RNF213: variants seen among roughly 807,000 people sequenced by gnomAD.
The protein encoded by RNF213 is E3 ubiquitin-protein ligase RNF213.
RNF213 carries 341 observed loss-of-function variants against 514.4 expected under a neutral mutation model. The observed-to-expected ratio is 0.66, with a 90% CI of 0.61 to 0.73. The LOEUF is 0.73. Among genes scored for constraint, RNF213 ranks in the 30% least tolerant of loss-of-function variants. The pLI, the probability that RNF213 is intolerant of heterozygous loss-of-function variation, is 0.00. For missense variants in RNF213, 5,767 were observed against 6,615.6 expected (o/e 0.87, Z 4.45); for synonymous variants, 2,655 against 2,658.2 (o/e 1.00, Z 0.04).
Position 80,377,881 on chromosome 17 carries a change from G to C in RNF213, c.13545+85G>C. 6.7e-7 allele frequency: 1 copy of C among 1,483,296 alleles called. No homozygotes were observed. Among genetic ancestry groups the C allele is most frequent in the Non-Finnish European group, 9.4e-7 (1 of 1,061,508 alleles). The allele number at this position is 1,483,296 out of a possible 1,614,324, so 91.9% of individuals were successfully genotyped here. A position where few individuals can be genotyped will look rare whatever the true frequency, so the allele number is the denominator to read the frequency against. On this transcript the variant is annotated intron_variant, in intron 54 of 67. Coordinates refer to ENST00000582970, the MANE Select transcript of RNF213 (RefSeq NM_001256071.3). This position sits in a 1 kb window ranked among gnomAD's most constrained non-coding sequence, Gnocchi z 4.1. Reference sequence around the variant, plus strand: ...GGGGGATCGTGGGTCAGGAGAGTGAGGCTCTCGGCCTTCCAGGAGAGCACA... The same window carrying C: ...GGGGGATCGTGGGTCAGGAGAGTGACGCTCTCGGCCTTCCAGGAGAGCACA...
Position 80,294,876 on chromosome 17 carries a change from C to G in RNF213, c.1628C>G (p.Thr543Ser). The change falls in exon 9 of 68, where the codon ACC (threonine) becomes AGC (serine). Residue 543 changes from threonine (T) to serine (S), a missense_variant. Physicochemically the swap from Thr to Ser is moderately conservative, Grantham distance 58 (BLOSUM62 1). This residue lies in a region of RNF213 where 592 missense variants were observed against 673.9 expected (regional missense o/e 0.88). Transcript: ENST00000582970. ...GACAGCACCTTCAGCATCCTGCAGA[C>G]CTGGGACACCATCAACCTGAACAGC... The part of the protein sequence containing the change: ...MLDSTFSILQ[T>S]WDTINLNSFF... The G allele has an allele frequency of 6.2e-7, 1 of 1,614,202 alleles. No individual in the cohort carries two copies. The highest frequency in any genetic ancestry group is 1.1e-5 in the South Asian group (1 of 91,084).
At chr17:80,306,744 C>G (rs1218683553) in intron 12 of RNF213, among the ~76,000 whole-genome samples, 2 of 151,584 alleles carry the variant, frequency 1.3e-5, no homozygotes, top group Non-Finnish European at 2.9e-5. Context: ...CCCAGCTACT[C>G]AGGAGGCTGA....
At chr17:80,328,528 G>A (rs2046336118) in intron 20 of RNF213, 51 bp downstream of exon 20, 1 of 1,524,508 alleles carries the variant, frequency 6.6e-7, no homozygotes, top group Non-Finnish European at 8.8e-7. Flanking sequence ...AGGGTTAGAG[G>A]AGAACACAGT....
chr17:80,288,447 C>G lies in RNF213; in HGVS notation c.810+84C>G. Reference sequence around the variant, plus strand: ...TGCTGCAAGGTGCTGGCGTTGCTTCCCTGCCGGGGGGAGGGGCGTCCTCTG... The same window carrying G: ...TGCTGCAAGGTGCTGGCGTTGCTTCGCTGCCGGGGGGAGGGGCGTCCTCTG... On this transcript the variant is annotated intron_variant, in intron 4 of 67. Transcript: ENST00000582970. This position sits in a 1 kb window ranked among gnomAD's most constrained non-coding sequence, Gnocchi z 4.9. 6.2e-7 allele frequency: 1 copy of G among 1,600,294 alleles called. No homozygotes were observed. Among genetic ancestry groups the G allele is most frequent in the Non-Finnish European group, 8.5e-7 (1 of 1,173,706 alleles).
At chr17:80,299,880 A>G (rs2045110088) in intron 11 of RNF213, among the ~76,000 whole-genome samples, 1 of 152,212 alleles carries the variant, frequency 6.6e-6, no homozygotes, top group Non-Finnish European at 1.5e-5. Context: ...ATGTTCCTGC[A>G]AAGGACATGA....
intron 17 of RNF213, among the ~76,000 whole-genome samples, chr17:80,321,859 G>T (rs1196906120): frequency 6.6e-6 from 1 of 152,106 alleles, no homozygotes. Context: ...TCGAGTAGCT[G>T]GGACTACAGG....
Position 80,382,993 on chromosome 17 carries a change from G to T in RNF213, c.13993G>T (p.Asp4665Tyr). Residue 4665 changes from aspartate to tyrosine, a missense_variant, in exon 58 of 68, where the codon GAC (aspartate) becomes TAC (tyrosine). This residue lies in a region of RNF213 where 1,245 missense variants were observed against 1,339.0 expected (regional missense o/e 0.93). Transcript: ENST00000582970. ...TTTTTTTGTAGGGCTTTTAAATTTTGACACAGAATTGTCAACTAAAGAAAT... is the reference window on the plus strand; with the variant it reads ...TTTTTTTGTAGGGCTTTTAAATTTTTACACAGAATTGTCAACTAAAGAAAT... The part of the protein sequence containing the change: ...QLSSRRLLNF[D>Y]TELSTKEMRN... The T allele has an allele frequency of 6.2e-7, 1 of 1,613,410 alleles. No individual in the cohort carries two copies. The highest frequency in any genetic ancestry group is 1.1e-5 in the South Asian group (1 of 91,016).
chr17:80,384,041 C>A, intron 59 of RNF213, 113 bp downstream of exon 59: 1 of 1,362,612 alleles, frequency 7.3e-7, no homozygotes, highest in Non-Finnish European at 1.0e-6. Context: ...TATTCCAGTG[C>A]TTTGGTTTTG....
rs1487187113 is a variant in RNF213 at position 80,387,017 on chromosome 17, A to G, written c.14922+126A>G. ...CAGTCTGGTCTGTATCTCCTCCCTC[A>G]CACCTGCAGCTCCCGAGGCCACCAC... On this transcript the variant is annotated intron_variant, in intron 63 of 67. Coordinates refer to ENST00000582970, the MANE Select transcript of RNF213 (RefSeq NM_001256071.3). 10 of 936,698 alleles carry G rather than the reference A, an allele frequency of 1.1e-5. No homozygotes were observed. The Admixed American group carries it at 2.0e-4, about 19-fold the overall frequency. The allele number at this position is 936,698 out of a possible 1,614,324, so 58.0% of individuals were successfully genotyped here.
intron 17 of RNF213, among the ~76,000 whole-genome samples, chr17:80,322,151 C>CT (rs1452517751): frequency 4.1e-5 from 2 of 49,014 alleles, no homozygotes; most frequent in African/African-American, 9.6e-5. Context: ...CTCATCCCCC[C>CT]CACCCCCCCT....
In RNF213 at chr17:80,373,072, C is replaced by T. The variant is rs778070606; in HGVS notation, c.12849C>T (p.Leu4283=). ...ACCGGGTGTACCTGGTGCGGAAGCTCAGCAGCCAGCGGGGGATGGAGTTCG... is the reference window on the plus strand; with the variant it reads ...ACCGGGTGTACCTGGTGCGGAAGCTTAGCAGCCAGCGGGGGATGGAGTTCG... The part of the protein sequence containing the change: ...DWHRVYLVRK[L]SSQRGMEFVQ... Residue 4283 remains leucine, a synonymous_variant, in exon 49 of 68, where the codon CTC becomes CTT. Coordinates refer to ENST00000582970, the MANE Select transcript of RNF213 (RefSeq NM_001256071.3). The T allele has an allele frequency of 8.5e-5, 137 of 1,613,848 alleles. No individual in the cohort carries two copies. The highest frequency in any genetic ancestry group is 1.1e-4 in the Non-Finnish European group (134 of 1,180,012).
At chr17:80,290,295 G>T (rs1175394901) in intron 6 of RNF213, among the ~76,000 whole-genome samples, 1 of 152,244 alleles carries the variant, frequency 6.6e-6, no homozygotes, top group Non-Finnish European at 1.5e-5. Context: ...GCCTGTGTGT[G>T]TGCATGTGGG....
At chr17:80,304,229 A>G (rs1006446849) in intron 11 of RNF213, among the ~76,000 whole-genome samples, 5 of 152,014 alleles carry the variant, frequency 3.3e-5, no homozygotes, top group African/African-American at 1.2e-4. Context: ...GCCTTGCTTT[A>G]TTTCTTTTCC....
intron 55 of RNF213, 41 bp from the exon 56 acceptor site, chr17:80,380,790 C>T: frequency 3.1e-6 from 5 of 1,613,634 alleles, no homozygotes; most frequent in Non-Finnish European, 4.2e-6. Context: ...GCCAAAGCGG[C>T]CAGCCTCAGC....
intron 42 of RNF213, among the ~76,000 whole-genome samples, chr17:80,367,125 T>C (rs1369074255): frequency 8.9e-6 from 1 of 112,104 alleles, no homozygotes; most frequent in Non-Finnish European, 2.3e-5. Flanking sequence ...TAAGGTATCA[T>C]GAAGAGAATG....
In RNF213 at chr17:80,353,712, T is replaced by G; in HGVS notation, c.10578+46T>G. On this transcript the variant is annotated intron_variant, in intron 34 of 67. Transcript: ENST00000582970. This position sits in a 1 kb window ranked among gnomAD's most constrained non-coding sequence, Gnocchi z 5.0. Reference sequence around the variant, plus strand: ...CCTCCCCTTGTGCTGCTGGTGATGCTTCTGAGCTGCATCTTTAAACGCTTT... The same window carrying G: ...CCTCCCCTTGTGCTGCTGGTGATGCGTCTGAGCTGCATCTTTAAACGCTTT... 1.2e-6 allele frequency: 2 copies of G among 1,612,832 alleles called. No individual in the cohort carries two copies. The highest frequency in any genetic ancestry group is 1.7e-6 in the Non-Finnish European group (2 of 1,178,880).
Position 80,346,837 on chromosome 17 carries a change from G to A in RNF213, c.8502G>A (p.Leu2834=). ...QCARFQQGKD[L]QQYVSVVVLD... ...CCCGCTTTCAGCAGGGGAAGGACCT[G>A]CAGCAGTACGTCTCTGTGGTGGTGT... Residue 2834 remains leucine (L), a synonymous_variant, in exon 29 of 68, where the codon CTG becomes CTA. Coordinates refer to ENST00000582970, the MANE Select transcript of RNF213 (RefSeq NM_001256071.3). This position sits in a 1 kb window ranked among gnomAD's most constrained non-coding sequence, Gnocchi z 8.1. 6.2e-7 allele frequency: 1 copy of A among 1,614,190 alleles called. No homozygotes were observed. Among genetic ancestry groups the A allele is most frequent in the Non-Finnish European group, 8.5e-7 (1 of 1,180,028 alleles).
intron 13 of RNF213, among the ~76,000 whole-genome samples, chr17:80,308,185 G>A (rs954267680): frequency 2.6e-5 from 4 of 151,998 alleles, no homozygotes; most frequent in Non-Finnish European, 5.9e-5. Context: ...TTCTCTGAGC[G>A]GCTCGGGCAC....
At chr17:80,355,924 C>T (rs186668769) in intron 36 of RNF213, among the ~76,000 whole-genome samples, 256 of 152,196 alleles carry the variant, frequency 1.7e-3, no homozygotes, top group African/African-American at 6.0e-3. Context: ...TCGTTTCTCT[C>T]CTTGTCACGC....
Sources: allele counts gnomAD v4.1 joint callset (sites outside exome capture counted in the v4.1 genomes callset), GRCh38; gene constraint gnomAD v4.1.1; regional missense constraint gnomAD v4.1.1; non-coding constraint Gnocchi (gnomAD v3.1); transcripts MANE v1.5; gene names NCBI Gene and HGNC (gene_info 2026-07-23, HGNC 2026-07-21).